Variants in ZNF500 observed in about 807,000 individuals in gnomAD.
ZNF500 encodes zinc finger protein 500, also known as zinc finger protein with KRAB and SCAN domains 18.
ZNF500 carries 31 observed loss-of-function variants against 30.1 expected under a neutral mutation model. The observed-to-expected ratio is 1.03, with a 90% CI of 0.77 to 1.39. The LOEUF is 1.39. Among genes scored for constraint, ZNF500 ranks in the 40% most tolerant of loss-of-function variants. The pLI is 0.00. For synonymous variants in ZNF500, 392 were observed against 282.0 expected (o/e 1.39, Z -3.91); for missense variants, 817 against 657.8 (o/e 1.24, Z -2.65).
chr16:4,744,280 C>G (rs899098045), downstream of ZNF500, among the ~76,000 whole-genome samples: 2 of 152,044 alleles, frequency 1.3e-5, no homozygotes, highest in Non-Finnish European at 2.9e-5. Flanking sequence ...CAAGCTATTG[C>G]AATTAGAAAA....
At chr16:4,754,062 G>A (rs1207523328) in intron 5 of ZNF500, among the ~76,000 whole-genome samples, 2 of 152,242 alleles carry the variant, frequency 1.3e-5, no homozygotes, top group Non-Finnish European at 2.9e-5. Flanking sequence ...TTTGCAGCAT[G>A]AGGGTGACTG....
At chr16:4,761,486 C>T (rs1198053942) in intron 4 of ZNF500, among the ~76,000 whole-genome samples, 21 of 8,066 alleles carry the variant, frequency 2.6e-3, no homozygotes, top group Admixed American at 2.9e-3. Context: ...CATACACACA[C>T]ACACACACAC....
chr16:4,766,025 G>A lies in ZNF500; in HGVS notation c.-47C>T, dbSNP rs770090556. The A allele has an allele frequency of 4.1e-5, 62 of 1,509,208 alleles. No individual in the cohort carries two copies. Among genetic ancestry groups the A allele is most frequent in the Non-Finnish European group, 5.3e-5 (60 of 1,136,534 alleles). 93.5% of individuals were successfully genotyped at this position (1,509,208 alleles called of 1,614,324 possible). The stretch of plus-strand genomic sequence containing the variant: ...CTTTTCAGGCCTTAGAGTTGAACCT[G>A]TCTCTCTCTATACCTCTGGCCAGAC... On this transcript the variant is annotated 5_prime_UTR_variant, in exon 2 of 6. Coordinates refer to ENST00000219478, the MANE Select transcript of ZNF500 (RefSeq NM_021646.4).
Position 4,762,468 on chromosome 16 carries a change from C to T in ZNF500, c.598+105G>A, listed in dbSNP as rs183277000. 34 of 1,514,688 alleles carry T rather than the reference C, an allele frequency of 2.2e-5. No individual in the cohort carries two copies. The Admixed American group carries it at 2.6e-4, about 12-fold the overall frequency. The allele number at this position is 1,514,688 out of a possible 1,614,324, so 93.8% of individuals were successfully genotyped here. ...CACTCCTTGCTGGAGAGCCTGTGCACCCTGCATCCAGGCAGGCCTCTGCCC... is the reference window on the plus strand; with the variant it reads ...CACTCCTTGCTGGAGAGCCTGTGCATCCTGCATCCAGGCAGGCCTCTGCCC... On this transcript the variant is annotated intron_variant, in intron 3 of 5. Coordinates refer to ENST00000219478, the MANE Select transcript of ZNF500 (RefSeq NM_021646.4).
At chr16:4,760,292 G>A (rs981812961) in intron 5 of ZNF500, among the ~76,000 whole-genome samples, 200 bp downstream of exon 5, 1 of 152,094 alleles carries the variant, frequency 6.6e-6, no homozygotes, top group Non-Finnish European at 1.5e-5. Context: ...GGATGGCAAG[G>A]CAGTGCTGGG....
At chr16:4,753,292 C>G in intron 5 of ZNF500, 1 of 726,364 alleles carries the variant, frequency 1.4e-6, no homozygotes, top group Non-Finnish European at 2.0e-6. Context: ...GAGATCTCGT[C>G]TCTACAGAAA....
intron 5 of ZNF500, among the ~76,000 whole-genome samples, chr16:4,757,473 A>AT (rs2082148299): frequency 1.3e-5 from 2 of 151,658 alleles, no homozygotes; most frequent in South Asian, 4.2e-4. Context: ...CCACTTTTGT[A>AT]TTTTTTTGTA....
chr16:4,751,301 TAGAA>T lies in ZNF500; in HGVS notation c.*1071_*1074del. 4.7e-6 allele frequency: 2 copies of T among 423,044 alleles called. No individual in the cohort carries two copies. Among genetic ancestry groups the T allele is most frequent in the Non-Finnish European group, 8.6e-6 (2 of 232,770 alleles). The allele number at this position is 423,044 out of a possible 1,614,324, so 26.2% of individuals were successfully genotyped here. A position where few individuals can be genotyped will look rare whatever the true frequency, so the allele number is the denominator to read the frequency against. ...GCTGGAAGGTGAAGGCTTCTTACCT[TAGAA>T]AGACAAAGTGGGGCAACCGTGGAAG... On this transcript the variant is annotated 3_prime_UTR_variant, in exon 6 of 6. Coordinates refer to ENST00000219478, the MANE Select transcript of ZNF500 (RefSeq NM_021646.4).
At chr16:4,747,534 G>A (rs201318907), downstream of ZNF500, 23 of 1,612,944 alleles carry the variant, frequency 1.4e-5, 1 homozygote, top group Middle Eastern at 3.3e-4. Context: ...GCCCAGGCTC[G>A]ACTCCCAAGA....
chr16:4,745,729 TCA>T, downstream of ZNF500, among the ~76,000 whole-genome samples: 1 of 152,104 alleles, frequency 6.6e-6, no homozygotes, highest in Admixed American at 6.5e-5. Context: ...GGCAGGCAGA[TCA>T]CCTGATGTCA....
In ZNF500 at chr16:4,752,711, T is replaced by A. The variant is rs200582832; in HGVS notation, c.1108A>T (p.Thr370Ser). The change falls in exon 6 of 6, where the codon ACG becomes TCG. Residue 370 changes from threonine (T) to serine (S), a missense_variant. Physicochemically the swap from Thr to Ser is moderately conservative, Grantham distance 58. Coordinates refer to ENST00000219478, the MANE Select transcript of ZNF500 (RefSeq NM_021646.4). ...KGFSDRSNFS[T>S]HQRVHTGEKP... ...TCGCCTGTGTGCACCCTCTGGTGCGTGCTGAAGTTGGAGCGGTCGCTAAAG... is the reference window on the plus strand; with the variant it reads ...TCGCCTGTGTGCACCCTCTGGTGCGAGCTGAAGTTGGAGCGGTCGCTAAAG... 1 of 1,614,170 alleles carries A rather than the reference T, an allele frequency of 6.2e-7. No homozygotes were observed. Among genetic ancestry groups the A allele is most frequent in the East Asian group, 2.2e-5 (1 of 44,878 alleles).
At chr16:4,746,346 C>A (rs765468128), downstream of ZNF500, 7 of 1,598,732 alleles carry the variant, frequency 4.4e-6, no homozygotes, top group South Asian at 7.8e-5. Flanking sequence ...AGAGAACTGA[C>A]TCCACAACAC....
chr16:4,751,426 A>T lies in ZNF500; in HGVS notation c.*950T>A. ...CCCGTCACATCCCAGGCAACATGTCAGGAAGATGGAACTCAGGGGTGCTTT... is the reference window on the plus strand; with the variant it reads ...CCCGTCACATCCCAGGCAACATGTCTGGAAGATGGAACTCAGGGGTGCTTT... On this transcript the variant is annotated 3_prime_UTR_variant, in exon 6 of 6. Coordinates refer to ENST00000219478, the MANE Select transcript of ZNF500 (RefSeq NM_021646.4). 1 of 708,326 alleles carries T rather than the reference A, an allele frequency of 1.4e-6. No homozygotes were observed. Among genetic ancestry groups the T allele is most frequent in the Non-Finnish European group, 2.3e-6 (1 of 443,032 alleles). 43.9% of individuals were successfully genotyped at this position (708,326 alleles called of 1,614,324 possible). A position where few individuals can be genotyped will look rare whatever the true frequency, so the allele number is the denominator to read the frequency against.
chr16:4,752,890 C>A lies in ZNF500; in HGVS notation c.929G>T (p.Gly310Val), dbSNP rs1177026709. ...GLVRPDQPRG[G>V]PPPGRRASHG... ...GGAAGCCCGTCTTCCTGGTGGGGGG[C>A]CGCCTCTTGGCTGATCAGGCCTGAC... Residue 310 changes from glycine to valine, a missense_variant, in exon 6 of 6, where the codon GGC (glycine) becomes GTC (valine). By Grantham distance (109) the Gly-to-Val change is moderately radical. Transcript: ENST00000219478. The A allele has an allele frequency of 6.2e-7, 1 of 1,614,024 alleles. No homozygotes were observed. Among genetic ancestry groups the A allele is most frequent in the East Asian group, 2.2e-5 (1 of 44,876 alleles).
chr16:4,746,442 A>C (rs150812571), downstream of ZNF500: 1 of 1,613,606 alleles, frequency 6.2e-7, no homozygotes, highest in Non-Finnish European at 8.5e-7. Flanking sequence ...CATGAGGCTT[A>C]ACGCAGAGTC....
chr16:4,756,006 C>G (rs114712339), intron 5 of ZNF500, among the ~76,000 whole-genome samples: 1 of 152,204 alleles, frequency 6.6e-6, no homozygotes, highest in African/African-American at 2.4e-5. Context: ...ATAGGCACAC[C>G]CAGAGACAGA....
chr16:4,767,076 G>C lies in ZNF500; in HGVS notation c.-158C>G, dbSNP rs886513883. The stretch of plus-strand genomic sequence containing the variant: ...GGACCGGAGCGGCGGGTCTCGGCGG[G>C]AGTAGGACTGCGGGCCTCAGGCTTG... On this transcript the variant is annotated 5_prime_UTR_variant, in exon 1 of 6. Transcript: ENST00000219478. 9 of 152,428 alleles carry C rather than the reference G, an allele frequency of 5.9e-5. No homozygotes were observed. Among genetic ancestry groups the C allele is most frequent in the African/African-American group, 9.6e-5 (4 of 41,480 alleles). 9.4% of individuals were successfully genotyped at this position (152,428 alleles called of 1,614,324 possible). A position where few individuals can be genotyped will look rare whatever the true frequency, so the allele number is the denominator to read the frequency against.
chr16:4,757,234 C>A (rs1198682184), intron 5 of ZNF500, among the ~76,000 whole-genome samples: 1 of 152,162 alleles, frequency 6.6e-6, no homozygotes, highest in East Asian at 1.9e-4. Flanking sequence ...CAAGTTTCCA[C>A]AGTGTGGAAG....
chr16:4,761,953 G>A (rs1230725409), intron 4 of ZNF500, among the ~76,000 whole-genome samples: 3 of 152,204 alleles, frequency 2.0e-5, no homozygotes, highest in Non-Finnish European at 4.4e-5. Context: ...GTGGGAGGAA[G>A]CTGTGTTTTC....
Sources: allele counts gnomAD v4.1 joint callset (sites outside exome capture counted in the v4.1 genomes callset), GRCh38; gene constraint gnomAD v4.1.1; transcripts MANE v1.5; gene names NCBI Gene and HGNC (gene_info 2026-07-23, HGNC 2026-07-21).